The following MTR variants were observed in gnomAD, a reference collection of about 807,000 sequenced individuals.
The protein encoded by MTR is methionine synthase.
In MTR, 84 loss-of-function variants were observed where a neutral mutation model predicts 154.8. The ratio of observed to expected loss-of-function variants is 0.54; its 90% CI spans 0.45 to 0.65. The LOEUF (loss-of-function observed/expected upper bound fraction) is 0.65, where lower values mean the gene tolerates loss of function less well. Ranked by LOEUF, MTR falls within the 30% of genes least tolerant of loss-of-function variation. The pLI is 0.00. For synonymous variants in MTR, 554 were observed against 553.9 expected (o/e 1.00, Z 0.00); for missense variants, 1,275 against 1,570.2 (o/e 0.81, Z 3.18).
intron 18 of MTR, among the ~76,000 whole-genome samples, chr1:236,856,305 G>A (rs1049888739): frequency 2.6e-5 from 4 of 152,110 alleles, no homozygotes; most frequent in African/African-American, 9.7e-5. Flanking sequence ...CAGGTATCAA[G>A]TGATGGGACT....
chr1:236,851,118 A>T (rs751719060), intron 16 of MTR, among the ~76,000 whole-genome samples: 6 of 152,198 alleles, frequency 3.9e-5, no homozygotes, highest in African/African-American at 1.4e-4. Flanking sequence ...ACTGAAATTT[A>T]TTTGTGACCC....
intron 30 of MTR, 117 bp from the exon 31 acceptor site, chr1:236,895,241 G>A: frequency 1.8e-6 from 2 of 1,128,218 alleles, no homozygotes; most frequent in Non-Finnish European, 2.6e-6. Flanking sequence ...AATTTCCCCT[G>A]GCTGTGGTCC....
chr1:236,896,891 G>A, intron 31 of MTR, 115 bp from the exon 32 acceptor site: 1 of 800,238 alleles, frequency 1.2e-6, no homozygotes, highest in South Asian at 1.3e-5. Context: ...TACCTAGAAG[G>A]CATGAGCTCG....
At position 236,866,481 on chromosome 1, in the gene MTR, G is replaced by A. The variant is rs114781319; in HGVS notation, c.2405+2927G>A. On this transcript the variant is annotated intron_variant, in intron 22 of 32. Coordinates refer to ENST00000366577, the MANE Select transcript of MTR (RefSeq NM_000254.3). ...CTGAGACACAACAATATTGAAATTA[G>A]GCCAGTTAATAACTCTGTAATGGCC... is the stretch of plus-strand genomic sequence containing the variant. 7.0e-3 allele frequency among the ~76,000 whole-genome samples: 958 copies of A among 135,946 alleles called. 3 individuals are homozygous for A. The highest frequency in any genetic ancestry group is 0.022 in the African/African-American group (886 of 39,914). 89.2% of individuals were successfully genotyped at this position (135,946 alleles called of 152,430 possible).
chr1:236,855,305 C>T (rs1447083528), intron 18 of MTR, among the ~76,000 whole-genome samples: 1 of 152,136 alleles, frequency 6.6e-6, no homozygotes, highest in Non-Finnish European at 1.5e-5. Context: ...TCTAATCTCA[C>T]ATTTGGGGAG....
intron 18 of MTR, among the ~76,000 whole-genome samples, chr1:236,856,402 T>TCTTGG (rs1664203805): frequency 6.6e-6 from 1 of 152,120 alleles, no homozygotes; most frequent in Non-Finnish European, 1.5e-5. Context: ...TTATTCCAGT[T>TCTTGG]ACCACTTTGG....
intron 1 of MTR, chr1:236,800,248 C>G (rs1660632502): frequency 2.0e-6 from 2 of 985,222 alleles, no homozygotes; most frequent in Non-Finnish European, 2.4e-6. Context: ...TTTGCCGATG[C>G]CAAAGGACAT....
chr1:236,815,801 C>T, intron 7 of MTR, 138 bp downstream of exon 7: 1 of 817,906 alleles, frequency 1.2e-6, no homozygotes, highest in Non-Finnish European at 2.0e-6. Context: ...TTGTTCACTT[C>T]CCTTCCACCA....
At chr1:236,868,645 A>G (rs1175817515) in intron 22 of MTR, among the ~76,000 whole-genome samples, 1 of 152,270 alleles carries the variant, frequency 6.6e-6, no homozygotes. Context: ...TAATTATGTA[A>G]GAAAAATACG....
intron 15 of MTR, 69 bp from the exon 16 acceptor site, chr1:236,850,275 G>A (rs1463459192): frequency 4.1e-6 from 4 of 971,722 alleles, no homozygotes; most frequent in Non-Finnish European, 5.7e-6. Flanking sequence ...AAAATAACAG[G>A]TATTTAATAT....
intron 24 of MTR, among the ~76,000 whole-genome samples, chr1:236,875,700 T>C (rs1439382780): frequency 6.6e-6 from 1 of 152,120 alleles, no homozygotes; most frequent in African/African-American, 2.4e-5. Context: ...TCTGGTTCCA[T>C]AGGTATGCCA....
chr1:236,824,943 T>C (rs941130273), intron 9 of MTR, among the ~76,000 whole-genome samples: 3 of 152,200 alleles, frequency 2.0e-5, no homozygotes, highest in Non-Finnish European at 2.9e-5. Flanking sequence ...TTTGTTTGTT[T>C]TTAATGGCAT....
chr1:236,819,817 C>T (rs549579362), intron 8 of MTR: 10 of 761,650 alleles, frequency 1.3e-5, no homozygotes, highest in African/African-American at 3.4e-5. Context: ...CTACAGCTGG[C>T]GGCTTGTGCC....
intron 15 of MTR, among the ~76,000 whole-genome samples, chr1:236,845,501 C>G (rs1018136578): frequency 2.0e-5 from 3 of 152,040 alleles, no homozygotes; most frequent in South Asian, 2.1e-4. Flanking sequence ...TGTCAAGAGA[C>G]AAAAAATTGT....
At position 236,859,827 on chromosome 1, in the gene MTR, A is replaced by G. The variant is rs1553321372; in HGVS notation, c.1954-6A>G. On this transcript the variant is annotated splice_region_variant and splice_polypyrimidine_tract_variant and intron_variant, in intron 18 of 32. Coordinates refer to ENST00000366577, the MANE Select transcript of MTR (RefSeq NM_000254.3). ...TATCCATTTCTTGGTTTCAATTTCAATTCAGACTCAAGGCACAGGAGGGAA... is the reference window on the plus strand; with the variant it reads ...TATCCATTTCTTGGTTTCAATTTCAGTTCAGACTCAAGGCACAGGAGGGAA... The G allele has an allele frequency of 1.9e-6, 3 of 1,612,894 alleles. No homozygotes were observed. The highest frequency in any genetic ancestry group is 2.5e-6 in the Non-Finnish European group (3 of 1,179,050).
chr1:236,803,484 A>G lies in MTR; in HGVS notation c.91A>G (p.Met31Val). Residue 31 changes from methionine to valine, a missense_variant, in exon 2 of 33, where the codon ATG becomes GTG. By Grantham distance (21) the Met-to-Val change is conservative. Coordinates refer to ENST00000366577, the MANE Select transcript of MTR (RefSeq NM_000254.3). Reference protein sequence around the residue: ...EINAILQKRIMVLDGGMGTMI... With the variant: ...EINAILQKRIVVLDGGMGTMI... ...CAATGCCATTCTGCAGAAGAGGATTATGGTGCTGGATGGAGGGATGGGGAC... is the reference window on the plus strand; with the variant it reads ...CAATGCCATTCTGCAGAAGAGGATTGTGGTGCTGGATGGAGGGATGGGGAC... 5 of 1,614,198 alleles carry G rather than the reference A, an allele frequency of 3.1e-6. No individual in the cohort carries two copies. The highest frequency in any genetic ancestry group is 4.2e-6 in the Non-Finnish European group (5 of 1,180,024).
chr1:236,895,619 C>T, intron 31 of MTR, 69 bp downstream of exon 31: 2 of 1,486,310 alleles, frequency 1.3e-6, no homozygotes, highest in Non-Finnish European at 1.8e-6. Context: ...CATACTGGCA[C>T]TTAGGGTTAA....
chr1:236,869,832 C>T (rs1268836606), intron 22 of MTR, among the ~76,000 whole-genome samples: 1 of 152,164 alleles, frequency 6.6e-6, no homozygotes, highest in African/African-American at 2.4e-5. Context: ...ACTCTGGGCC[C>T]TCATAGTGCT....
intron 2 of MTR, among the ~76,000 whole-genome samples, chr1:236,805,358 A>G (rs1452746350): frequency 6.6e-6 from 1 of 152,068 alleles, no homozygotes; most frequent in Non-Finnish European, 1.5e-5. Flanking sequence ...TCAGAGGTTG[A>G]GATCTCTGAG....
Sources: gnomAD v4.1 joint callset for allele counts (sites outside exome capture counted in the v4.1 genomes callset) on GRCh38, gnomAD v4.1.1 for gene constraint, MANE v1.5 for transcripts, NCBI Gene and HGNC (gene_info 2026-07-23, HGNC 2026-07-21) for gene names.